Variants in SYNE2 observed in about 807,000 individuals in gnomAD.
SYNE2 encodes nesprin-2.
Under a neutral mutation model 856.3 loss-of-function variants are expected in SYNE2, and 431 were observed. That is an observed-to-expected ratio of 0.50 (90% CI 0.47 to 0.55). SYNE2 has a LOEUF of 0.55. Ranked by LOEUF, SYNE2 falls within the 20% of genes least tolerant of loss-of-function variation. The pLI, the probability that SYNE2 is intolerant of heterozygous loss-of-function variation, is 0.00. For missense variants in SYNE2, 8,129 were observed against 8,023.2 expected (o/e 1.01, Z -0.50); for synonymous variants, 2,923 against 2,872.3 (o/e 1.02, Z -0.56).
chr14:64,040,081 G>A (rs2097135690), intron 45 of SYNE2, among the ~76,000 whole-genome samples: 1 of 152,148 alleles, frequency 6.6e-6, no homozygotes, highest in Admixed American at 6.5e-5. Context: ...AAATTAACAT[G>A]ACAATCAGTC....
At chr14:64,024,802 A>G in intron 39 of SYNE2, 110 bp from the exon 40 acceptor site, 1 of 1,136,494 alleles carries the variant, frequency 8.8e-7, no homozygotes, top group Non-Finnish European at 1.3e-6. Context: ...CTAAATTATA[A>G]CAAACATATT....
intron 83 of SYNE2, 100 bp from the exon 84 acceptor site, chr14:64,145,967 AT>A (rs1412551512): frequency 1.2e-6 from 1 of 809,826 alleles, no homozygotes; most frequent in Non-Finnish European, 1.8e-6. Context: ...AATATTAGAA[AT>A]TTGAAAAGAA....
chr14:64,175,855 G>A (rs893868622), intron 95 of SYNE2, among the ~76,000 whole-genome samples: 6 of 152,282 alleles, frequency 3.9e-5, no homozygotes, highest in South Asian at 4.1e-4. Context: ...GTTAGGGCTT[G>A]AAAATTTCTC....
intron 1 of SYNE2, among the ~76,000 whole-genome samples, chr14:63,906,312 G>T (rs1566766599): frequency 1.3e-5 from 2 of 152,160 alleles, no homozygotes; most frequent in East Asian, 3.8e-4. Context: ...GCTGATGCTG[G>T]CTTCATAGTA....
intron 1 of SYNE2, among the ~76,000 whole-genome samples, chr14:63,764,026 G>T (rs955032346): frequency 1.3e-5 from 2 of 152,164 alleles, no homozygotes; most frequent in African/African-American, 4.8e-5. Context: ...GTCTTCCCAA[G>T]AAATTTTAAA....
intron 17 of SYNE2, 69 bp from the exon 18 acceptor site, chr14:63,983,668 C>T: frequency 2.4e-6 from 3 of 1,267,668 alleles, no homozygotes; most frequent in Non-Finnish European, 3.4e-6. Context: ...CATCCACTTA[C>T]TGTTTGTAAT....
intron 2 of SYNE2, among the ~76,000 whole-genome samples, chr14:63,915,425 TA>T (rs969610488): frequency 4.6e-5 from 7 of 152,216 alleles, no homozygotes; most frequent in African/African-American, 1.7e-4. Context: ...TGAATTTCTG[TA>T]ACAGGAGCAA....
intron 18 of SYNE2, among the ~76,000 whole-genome samples, chr14:63,985,292 C>T (rs1255904): frequency 0.52 from 75,860 of 146,154 alleles, 20,611 homozygotes; most frequent in African/African-American, 0.7. Context: ...ATTGCACCAC[C>T]GCACTCCAGC....
chr14:64,166,168 T>C (rs1460163232), intron 90 of SYNE2, among the ~76,000 whole-genome samples: 1 of 152,222 alleles, frequency 6.6e-6, no homozygotes, highest in East Asian at 1.9e-4. Flanking sequence ...CAAACTGTGG[T>C]GCACTGTCCA....
At chr14:64,089,085 G>T (rs1288484390) in intron 58 of SYNE2, among the ~76,000 whole-genome samples, 1 of 152,018 alleles carries the variant, frequency 6.6e-6, no homozygotes, top group Admixed American at 6.6e-5. Flanking sequence ...TTGGTCCCTG[G>T]CCAGGAACGA....
intron 57 of SYNE2, among the ~76,000 whole-genome samples, chr14:64,082,233 G>C (rs2097530002): frequency 1.3e-5 from 2 of 152,114 alleles, no homozygotes; most frequent in African/African-American, 4.8e-5. Context: ...TGATGGGATA[G>C]TCCCTTCATT....
rs756704685 is a variant in SYNE2 at position 64,078,441 on chromosome 14, AAATGCGTCTTTGTCTC to A, written c.11023-24_11023-9del. 8 of 1,612,798 alleles carry A rather than the reference AAATGCGTCTTTGTCTC, an allele frequency of 5.0e-6. No homozygotes were observed. The Admixed American group carries it at 1.2e-4, about 24-fold the overall frequency. ...AAAGTGCAGACAACCTCTCTAAGCC[AAATGCGTCTTTGTCTC>A]TTTCACAGATTAGCAATGAAGTCTT... On this transcript the variant is annotated splice_polypyrimidine_tract_variant and intron_variant, in intron 54 of 115. Transcript: ENST00000555002.
chr14:63,867,771 C>T (rs1053950310), intron 1 of SYNE2, among the ~76,000 whole-genome samples: 3 of 151,398 alleles, frequency 2.0e-5, no homozygotes, highest in Non-Finnish European at 4.4e-5. Flanking sequence ...GCCAGCCAGC[C>T]AGCCAGCCAG....
In SYNE2 at chr14:64,020,216, A is replaced by G. The variant is rs759939618; in HGVS notation, c.5151+123A>G. 712 of 708,282 alleles carry G rather than the reference A, an allele frequency of 1.0e-3. 2 individuals carry two copies. Among genetic ancestry groups the G allele is most frequent in the Non-Finnish European group, 2.1e-4 (84 of 406,192 alleles). 43.9% of individuals were successfully genotyped at this position (708,282 alleles called of 1,614,324 possible). The stretch of plus-strand genomic sequence containing the variant: ...TCTAAAAGAAGAAAAAAACGGCCCA[A>G]TTAAAGATTCTCTATAACAGGGGTG... On this transcript the variant is annotated intron_variant, in intron 35 of 115. Transcript: ENST00000555002.
At chr14:63,819,646 C>T (rs558356413) in intron 1 of SYNE2, among the ~76,000 whole-genome samples, 13 of 152,024 alleles carry the variant, frequency 8.6e-5, no homozygotes, top group Middle Eastern at 3.4e-3. Flanking sequence ...ATGCCATTCT[C>T]CTGCCTCAGC....
Position 64,132,416 on chromosome 14 carries a change from T to G in SYNE2, c.14492T>G (p.Met4831Arg). ...GAAGAAAAGTCACGCCAATGTGGTA[T>G]GAAGCTGCAGAGTTTGTTGCAGGTA... Reference protein sequence around the residue: ...ILEEKSRQCGMKLQSLLQKWE... With the variant: ...ILEEKSRQCGRKLQSLLQKWE... The change falls in exon 77 of 116, where the codon ATG becomes AGG. Residue 4831 changes from methionine to arginine, a missense_variant. Met to Arg is a moderately conservative substitution (Grantham distance 91). Coordinates refer to ENST00000555002, the MANE Select transcript of SYNE2 (RefSeq NM_182914.3). The G allele has an allele frequency of 3.1e-6, 5 of 1,614,220 alleles. No individual in the cohort carries two copies. The highest frequency in any genetic ancestry group is 4.2e-6 in the Non-Finnish European group (5 of 1,180,034).
At chr14:64,221,535 G>T in intron 111 of SYNE2, 41 bp from the exon 112 acceptor site, 1 of 1,614,158 alleles carries the variant, frequency 6.2e-7, no homozygotes, top group Non-Finnish European at 8.5e-7. Context: ...CTCTTCCAGG[G>T]CTCTAAGACA....
Position 64,089,570 on chromosome 14 carries a change from C to A in SYNE2, c.11671-4C>A, listed in dbSNP as rs193068394. 5.5e-4 allele frequency: 886 copies of A among 1,608,088 alleles called. 3 individuals are homozygous for A. The African/African-American group carries it at 0.011, about 20-fold the overall frequency. ...TGCATCAGTGTGTTCTTCTGAAATT[C>A]TAGGATGTGGTTGCTATTGAATCTG... On this transcript the variant is annotated splice_polypyrimidine_tract_variant and splice_region_variant and intron_variant, in intron 58 of 115. Coordinates refer to ENST00000555002, the MANE Select transcript of SYNE2 (RefSeq NM_182914.3).
intron 1 of SYNE2, among the ~76,000 whole-genome samples, chr14:63,842,737 G>A (rs1890110617): frequency 6.6e-6 from 1 of 152,192 alleles, no homozygotes; most frequent in Non-Finnish European, 1.5e-5. Context: ...TGGGATTATA[G>A]GCGTGAGCCA....
Sources: allele counts gnomAD v4.1 joint callset (sites outside exome capture counted in the v4.1 genomes callset), GRCh38; gene constraint gnomAD v4.1.1; transcripts MANE v1.5; gene names NCBI Gene and HGNC (gene_info 2026-07-23, HGNC 2026-07-21).